NPRL3: variants seen among roughly 807,000 people sequenced by gnomAD.
NPRL3 encodes NPR3 like, GATOR1 complex subunit.
NPRL3 carries 23 observed loss-of-function variants against 57.2 expected under a neutral mutation model. The ratio of observed to expected loss-of-function variants is 0.40; its 90% CI spans 0.29 to 0.57. The LOEUF (loss-of-function observed/expected upper bound fraction) is 0.57, where lower values mean the gene tolerates loss of function less well. NPRL3 is among the 20% of genes least tolerant of loss of function. NPRL3 has a pLI of 0.42. For missense variants in NPRL3, 691 were observed against 767.1 expected (o/e 0.90, Z 1.17); for synonymous variants, 333 against 321.1 (o/e 1.04, Z -0.39).
intron 9 of NPRL3, among the ~76,000 whole-genome samples, chr16:94,619 G>A (rs922477847): frequency 1.1e-4 from 16 of 152,182 alleles, no homozygotes; most frequent in Non-Finnish European, 2.1e-4. Context: ...CAGGCACTGC[G>A]GCACATGCCT....
In NPRL3 at chr16:96,924, T is replaced by G. The variant is rs551572649; in HGVS notation, c.924+1221A>C. ...AGGCTGCTTTCGGGGAAAAGTGGCC[T>G]GAGAGTCAGGCCTTGTTGGACAAGT... On this transcript the variant is annotated intron_variant, in intron 9 of 13. Transcript: ENST00000611875. Among the ~76,000 whole-genome samples, 13 of 151,536 alleles carry G rather than the reference T, an allele frequency of 8.6e-5. No homozygotes were observed. In the South Asian group the frequency reaches 2.3e-3, roughly 27 times the overall value.
intron 6 of NPRL3, among the ~76,000 whole-genome samples, chr16:110,915 A>G (rs954875095): frequency 3.9e-5 from 6 of 152,140 alleles, no homozygotes; most frequent in African/African-American, 1.4e-4. Context: ...TCCAGCCAAA[A>G]AGTCTTTTAT....
At chr16:135,608 CAAAAAA>C (rs555589072) in intron 2 of NPRL3, among the ~76,000 whole-genome samples, 1 of 56,852 alleles carries the variant, frequency 1.8e-5, no homozygotes, top group Admixed American at 1.8e-4. Flanking sequence ...GACTCTGTCT[CAAAAAA>C]AAAAAAAAAA....
chr16:89,611 TG>T, intron 12 of NPRL3, 101 bp downstream of exon 12: 1 of 1,118,002 alleles, frequency 8.9e-7, no homozygotes, highest in Non-Finnish European at 1.2e-6. Flanking sequence ...TGCAGCTGTG[TG>T]GAGGCCCCTC....
Position 138,331 on chromosome 16 carries a change from GGGCC to G in NPRL3, c.-67-1_-65del. On this transcript the variant is annotated splice_acceptor_variant and 5_prime_UTR_variant, in exon 2 of 14. Transcript: ENST00000611875. LOFTEE classifies it low-confidence loss of function (5UTR_SPLICE). The stretch of plus-strand genomic sequence containing the variant: ...AGGAGGACGGAGCCGGAGGCGGAGG[GGGCC>G]TGAGGAGGACGGAGCCGGAGGCGGA... 1.2e-6 allele frequency: 1 copy of G among 820,894 alleles called. No individual in the cohort carries two copies. Among genetic ancestry groups the G allele is most frequent in the African/African-American group, 3.0e-5 (1 of 33,544 alleles). The allele number at this position is 820,894 out of a possible 1,614,324, so 50.9% of individuals were successfully genotyped here.
chr16:120,789 T>G lies in NPRL3; in HGVS notation c.189-1534A>C, dbSNP rs553446077. On this transcript the variant is annotated intron_variant, in intron 3 of 13. Transcript: ENST00000611875. ...TGCAGAGATGGAGGATTCAAGTGCC[T>G]TACACCACAGGCATAATATGCTTTC... Among the ~76,000 whole-genome samples the G allele has an allele frequency of 3.9e-4, 60 of 152,270 alleles. 2 individuals are homozygous for G. In the South Asian group the frequency reaches 0.011, roughly 27 times the overall value.
chr16:91,486 C>T (rs1009147571), intron 11 of NPRL3, among the ~76,000 whole-genome samples: 1 of 152,226 alleles, frequency 6.6e-6, no homozygotes, highest in Non-Finnish European at 1.5e-5. Context: ...CAGTCATGGC[C>T]TGGAAAAGCC....
chr16:119,138 A>G lies in NPRL3; in HGVS notation c.306T>C (p.His102=). The G allele has an allele frequency of 1.9e-6, 3 of 1,613,724 alleles. No individual in the cohort carries two copies. Among genetic ancestry groups the G allele is most frequent in the Non-Finnish European group, 2.5e-6 (3 of 1,179,750 alleles). ...RFVGHPTLLQ[H]ALGQISKTDP... is the part of the protein sequence containing the mutation. ...GGGAGAGCCATACCTGCCCCAGAGC[A>G]TGCTGTAGCAGTGTTGGGTGCCCAA... The change falls in exon 4 of 14, where the codon CAT becomes CAC. Residue 102 remains histidine (H), a synonymous_variant. Transcript: ENST00000611875.
chr16:101,265 G>C (rs535356736), intron 7 of NPRL3, among the ~76,000 whole-genome samples: 1 of 152,196 alleles, frequency 6.6e-6, no homozygotes, highest in Admixed American at 6.5e-5. Flanking sequence ...CTCAGAGGGC[G>C]AGGAGGGCAG....
intron 2 of NPRL3, among the ~76,000 whole-genome samples, chr16:132,783 C>T (rs932572967): frequency 1.3e-5 from 2 of 151,430 alleles, no homozygotes; most frequent in African/African-American, 4.8e-5. Context: ...CATTCTCCTG[C>T]CTCAGCCTCC....
chr16:98,404 CTGCACCAGGTA>C (rs1339956082), intron 8 of NPRL3, 103 bp from the exon 9 acceptor site: 12 of 1,297,804 alleles, frequency 9.2e-6, no homozygotes, highest in African/African-American at 1.6e-5. Context: ...GCACCAGGTC[CTGCACCAGGTA>C]TGCACCGGGT....
At chr16:110,715 T>C in intron 6 of NPRL3, 109 bp from the exon 7 acceptor site, 1 of 817,530 alleles carries the variant, frequency 1.2e-6, no homozygotes, top group Non-Finnish European at 2.0e-6. Flanking sequence ...GTCTGGCTAA[T>C]TTTTTTGTAT....
At chr16:136,792 CTG>C (rs1901109479) in intron 2 of NPRL3, among the ~76,000 whole-genome samples, 1 of 151,760 alleles carries the variant, frequency 6.6e-6, no homozygotes, top group Non-Finnish European at 1.5e-5. Context: ...ATGATGGAAA[CTG>C]AGGGCTGGGG....
intron 2 of NPRL3, among the ~76,000 whole-genome samples, chr16:131,378 G>T (rs192380364): frequency 1.5e-5 from 2 of 131,168 alleles, no homozygotes; most frequent in African/African-American, 7.3e-5. Flanking sequence ...ACTCTGGAGG[G>T]TGAGGCAAGA....
intron 8 of NPRL3, among the ~76,000 whole-genome samples, chr16:99,011 G>A (rs1051618859): frequency 6.6e-5 from 10 of 152,150 alleles, no homozygotes; most frequent in African/African-American, 1.9e-4. Context: ...GGGAAGGCTC[G>A]AAGACTGGAC....
chr16:89,294 C>T (rs886318879), intron 12 of NPRL3: 2 of 266,248 alleles, frequency 7.5e-6, no homozygotes, highest in Non-Finnish European at 1.4e-5. Flanking sequence ...CCACCCCCTT[C>T]CTTCCCCAAG....
chr16:102,325 G>A (rs1899334606), intron 7 of NPRL3, among the ~76,000 whole-genome samples: 2 of 152,188 alleles, frequency 1.3e-5, no homozygotes, highest in Admixed American at 1.3e-4. Flanking sequence ...AAGCAAAGCT[G>A]TCTGCAGCTG....
intron 2 of NPRL3, among the ~76,000 whole-genome samples, chr16:131,416 TTGCAGTGAGCCAAGATCGCGCC>T (rs1296353493): frequency 2.9e-5 from 4 of 137,314 alleles, no homozygotes; most frequent in African/African-American, 1.3e-4. Flanking sequence ...GAAGCAGAGC[TTGCAGTGAGCCAAGATCGCGCC>T]ACTGTACTCC....
chr16:124,538 A>C (rs1357025991), intron 3 of NPRL3, among the ~76,000 whole-genome samples: 1 of 152,106 alleles, frequency 6.6e-6, no homozygotes, highest in Non-Finnish European at 1.5e-5. Context: ...TCTCATCTGC[A>C]TGACAAGAAA....
Sources: gnomAD v4.1 joint callset for allele counts (sites outside exome capture counted in the v4.1 genomes callset) on GRCh38, gnomAD v4.1.1 for gene constraint, MANE v1.5 for transcripts, NCBI Gene and HGNC (gene_info 2026-07-23, HGNC 2026-07-21) for gene names.